CCSER1: variants seen among roughly 807,000 people sequenced by gnomAD.
The protein encoded by CCSER1 is serine-rich coiled-coil domain-containing protein 1.
A neutral mutation model predicts 82.0 loss-of-function variants in CCSER1; 41 were observed. The ratio of observed to expected loss-of-function variants is 0.50; its 90% confidence interval spans 0.39 to 0.65. The LOEUF (loss-of-function observed/expected upper bound fraction) is 0.65, where lower values mean the gene tolerates loss of function less well. CCSER1 is among the 30% of genes least tolerant of loss of function. The pLI is 0.00. For missense variants in CCSER1, 1,119 were observed against 1,064.2 expected, an observed-to-expected ratio of 1.05 and a Z score of -0.72; for synonymous variants, 414 against 383.9, an observed-to-expected ratio of 1.08 and a Z score of -0.92.
chr4:91,452,897 T>C (rs1257144788), intron 10 of CCSER1, among the ~76,000 whole-genome samples: 1 of 152,100 alleles, frequency 6.6e-6, no homozygotes, highest in African/African-American at 2.4e-5. Context: ...ATAAGATCAC[T>C]AAACCTTGGT....
intron 10 of CCSER1, among the ~76,000 whole-genome samples, chr4:91,367,763 A>T (rs936025828): frequency 6.6e-6 from 1 of 152,160 alleles, no homozygotes; most frequent in South Asian, 2.1e-4. Flanking sequence ...CATGTGATGA[A>T]TATCCCTTTG....
chr4:90,523,024 T>G (rs1352109838), intron 5 of CCSER1, among the ~76,000 whole-genome samples: 1 of 152,016 alleles, frequency 6.6e-6, no homozygotes, highest in Non-Finnish European at 1.5e-5. Flanking sequence ...TGCTCCTACC[T>G]CTATGGTCAT....
intron 9 of CCSER1, among the ~76,000 whole-genome samples, chr4:91,043,574 A>G (rs183014397): frequency 8.7e-4 from 129 of 147,596 alleles, no homozygotes; most frequent in African/African-American, 3.0e-3. Context: ...GCTAACTAGC[A>G]TCAGCCTTCT....
At chr4:90,263,044 T>C (rs946587849) in intron 1 of CCSER1, among the ~76,000 whole-genome samples, 3 of 152,154 alleles carry the variant, frequency 2.0e-5, no homozygotes, top group African/African-American at 7.2e-5. Context: ...TCCAAGACCC[T>C]TCATGTGCTG....
intron 5 of CCSER1, among the ~76,000 whole-genome samples, chr4:90,545,313 T>A (rs560376910): frequency 2.6e-5 from 4 of 152,244 alleles, no homozygotes; most frequent in Non-Finnish European, 5.9e-5. Context: ...ACAGATTACC[T>A]GCAAGCAAGC....
intron 10 of CCSER1, among the ~76,000 whole-genome samples, chr4:91,467,299 T>G (rs976018231): frequency 6.6e-5 from 10 of 152,216 alleles, no homozygotes; most frequent in Admixed American, 1.3e-4. Context: ...GCTAGCCATG[T>G]GTAGAAAGCT....
At chr4:90,148,806 T>C (rs180758520) in intron 1 of CCSER1, among the ~76,000 whole-genome samples, 101 of 152,288 alleles carry the variant, frequency 6.6e-4, no homozygotes, top group African/African-American at 2.2e-3. Context: ...TATCTTATTC[T>C]GTGGAGCTAT....
At chr4:90,744,020 TAAC>T (rs1389585979) in intron 7 of CCSER1, among the ~76,000 whole-genome samples, 1 of 152,178 alleles carries the variant, frequency 6.6e-6, no homozygotes, top group African/African-American at 2.4e-5. Flanking sequence ...GCAGAACAAT[TAAC>T]AAGCATTAAT....
At chr4:90,366,411 T>A (rs1746295400) in intron 3 of CCSER1, among the ~76,000 whole-genome samples, 2 of 151,800 alleles carry the variant, frequency 1.3e-5, no homozygotes, top group Non-Finnish European at 3.0e-5. Context: ...ATTTATGGGG[T>A]ACAAAGTGAT....
chr4:90,559,809 CAAAAA>C (rs1236087772), intron 5 of CCSER1, among the ~76,000 whole-genome samples: 2,133 of 39,548 alleles, frequency 0.054, 16 homozygotes, highest in Non-Finnish European at 0.076. Flanking sequence ...GACTCCGTCT[CAAAAA>C]AAAAAAAAAA....
intron 8 of CCSER1, among the ~76,000 whole-genome samples, chr4:90,861,852 A>G (rs78792578): frequency 0.041 from 6,113 of 150,076 alleles, 167 homozygotes; most frequent in East Asian, 0.057. Flanking sequence ...TCATAGTTGG[A>G]TGATTTCTTA....
chr4:91,410,839 A>T (rs1376997743), intron 10 of CCSER1, among the ~76,000 whole-genome samples: 1 of 152,158 alleles, frequency 6.6e-6, no homozygotes, highest in South Asian at 2.1e-4. Context: ...TCCAACAAAC[A>T]TGATTTATGA....
intron 1 of CCSER1, among the ~76,000 whole-genome samples, chr4:90,143,398 T>C (rs1039085609): frequency 2.0e-5 from 3 of 151,958 alleles, no homozygotes; most frequent in Non-Finnish European, 4.4e-5. Flanking sequence ...ATTTAAATAA[T>C]ATCTTTTTTC....
chr4:91,259,238 G>C (rs1740918312), intron 10 of CCSER1, among the ~76,000 whole-genome samples: 1 of 152,130 alleles, frequency 6.6e-6, no homozygotes, highest in Non-Finnish European at 1.5e-5. Flanking sequence ...TAGCAGATTT[G>C]TCGCTTCATT....
intron 8 of CCSER1, among the ~76,000 whole-genome samples, chr4:90,872,848 T>G (rs1045961357): frequency 6.6e-6 from 1 of 152,018 alleles, no homozygotes; most frequent in Non-Finnish European, 1.5e-5. Context: ...GGGAAAGACT[T>G]TGTATCTCCT....
intron 10 of CCSER1, among the ~76,000 whole-genome samples, chr4:91,472,164 T>A (rs1295767921): frequency 6.6e-6 from 1 of 152,148 alleles, no homozygotes. Flanking sequence ...ACTTGTACTT[T>A]ATCAATTTGT....
rs540184153 is a variant in CCSER1, at chr4:90,274,753, T to C, written c.-41-33491T>C. ...ATCATACTTTCAGAATTTTCTAATG[T>C]TCTTAATATTATGCTTTATATTATA... On this transcript the variant is annotated intron_variant, in intron 1 of 10. Transcript: ENST00000509176. Among the ~76,000 whole-genome samples, 7 of 152,292 alleles carry C rather than the reference T, an allele frequency of 4.6e-5. No homozygotes were observed. In the East Asian group the frequency reaches 1.4e-3, roughly 29 times the overall value.
At chr4:91,070,382 C>T (rs1049842825) in intron 9 of CCSER1, among the ~76,000 whole-genome samples, 2 of 152,172 alleles carry the variant, frequency 1.3e-5, no homozygotes, top group African/African-American at 4.8e-5. Context: ...GTTTATATTT[C>T]TAAACATTGC....
chr4:90,231,446 A>G (rs1463645529), intron 1 of CCSER1, among the ~76,000 whole-genome samples: 1 of 150,352 alleles, frequency 6.7e-6, no homozygotes, highest in African/African-American at 2.5e-5. Context: ...AACTCTCAAT[A>G]AATTAGGTAT....
Sources: gnomAD v4.1 joint callset for allele counts (sites outside exome capture counted in the v4.1 genomes callset) on GRCh38, gnomAD v4.1.1 for gene constraint, MANE v1.5 for transcripts, NCBI Gene and HGNC (gene_info 2026-07-23, HGNC 2026-07-21) for gene names.